AHNAK2: variants seen among roughly 807,000 people sequenced by gnomAD.
AHNAK2 encodes the protein protein AHNAK2.
AHNAK2 carries 18 observed loss-of-function variants against 30.7 expected under a neutral mutation model. The ratio of observed to expected loss-of-function variants is 0.59; its 90% CI spans 0.41 to 0.87. The LOEUF is 0.87. Ranked by LOEUF, AHNAK2 falls within the 40% of genes least tolerant of loss-of-function variation. The probability of loss-of-function intolerance (pLI) is 0.00; values close to 1 mark genes in which losing one functional copy is unlikely to be tolerated. For missense variants in AHNAK2, 8,604 were observed against 7,373.0 expected, an observed-to-expected ratio of 1.17 and a Z score of -6.11; for synonymous variants, 3,590 against 3,073.8, an observed-to-expected ratio of 1.17 and a Z score of -5.56.
In AHNAK2 at chr14:104,942,785, G is replaced by C; in HGVS notation, c.12666C>G (p.Pro4222=). 1.2e-6 allele frequency: 2 copies of C among 1,612,838 alleles called. No homozygotes were observed. The highest frequency in any genetic ancestry group is 2.2e-5 in the South Asian group (2 of 91,032). The part of the protein sequence containing the change: ...LKGHLPKVQM[P]CLKMPKVALK... Reference sequence around the variant, plus strand: ...GGGCCACTTTGGGCATCTTCAAACAGGGCATCTGCACCTTGGGGAGGTGCC... The same window carrying C: ...GGGCCACTTTGGGCATCTTCAAACACGGCATCTGCACCTTGGGGAGGTGCC... The change falls in exon 7 of 7, where the codon CCC becomes CCG. Residue 4222 remains proline, a synonymous_variant. Coordinates refer to ENST00000333244, the MANE Select transcript of AHNAK2 (RefSeq NM_138420.4).
In AHNAK2 at chr14:104,950,465, C is replaced by G; in HGVS notation, c.4986G>C (p.Lys1662Asn). 2 of 1,586,248 alleles carry G rather than the reference C, an allele frequency of 1.3e-6. No homozygotes were observed. The highest frequency in any genetic ancestry group is 1.7e-5 in the Admixed American group (1 of 57,460). ...ACACCCCAAATGATGGCATCTTGAA[C>G]TTGGGCATTTTGAACTTGCTGTCTT... Reference protein sequence around the residue: ...TAKDSKFKMPKFKMPSFGVSA... With the variant: ...TAKDSKFKMPNFKMPSFGVSA... Residue 1662 changes from lysine (K) to asparagine (N), a missense_variant, in exon 7 of 7, where the codon AAG (lysine) becomes AAC (asparagine). By Grantham distance (94) the Lys-to-Asn change is moderately conservative (BLOSUM62 0). Coordinates refer to ENST00000333244, the MANE Select transcript of AHNAK2 (RefSeq NM_138420.4).
Position 104,941,827 on chromosome 14 carries a change from G to A in AHNAK2, c.13624C>T (p.Leu4542Phe), listed in dbSNP as rs1898000342. 3.1e-6 allele frequency: 5 copies of A among 1,613,372 alleles called. No homozygotes were observed. The highest frequency in any genetic ancestry group is 4.2e-6 in the Non-Finnish European group (5 of 1,179,680). ...PEGHMPEVAG[L>F]KGHLPKVEMP... ...TCCACCTTGGGCAGGTGCCCTTTGAGGCCGGCTACCTCGGGCATGTGGCCT... is the reference window on the plus strand; with the variant it reads ...TCCACCTTGGGCAGGTGCCCTTTGAAGCCGGCTACCTCGGGCATGTGGCCT... The change falls in exon 7 of 7, where the codon CTC (leucine) becomes TTC (phenylalanine). Residue 4542 changes from leucine (L) to phenylalanine (F), a missense_variant. Transcript: ENST00000333244.
intron 1 of AHNAK2, among the ~76,000 whole-genome samples, chr14:104,965,304 G>A (rs1192017856): frequency 6.6e-6 from 1 of 150,786 alleles, no homozygotes; most frequent in Non-Finnish European, 1.5e-5. Context: ...GGAAGACTGA[G>A]GCAGGAGAAT....
At chr14:104,973,555 C>T (rs1483180405) in intron 1 of AHNAK2, among the ~76,000 whole-genome samples, 1 of 152,168 alleles carries the variant, frequency 6.6e-6, no homozygotes, top group African/African-American at 2.4e-5. Context: ...CTGACAGCCC[C>T]TCCAGCCGGC....
Position 104,946,710 on chromosome 14 carries a change from G to A in AHNAK2, c.8741C>T (p.Pro2914Leu), listed in dbSNP as rs777289451. ...FKMPKVDLKG[P>L]QIDVKGPKLD... ...CTTGGGGCCCTTGACGTCTATCTGG[G>A]GGCCCTTGAGATCCACTTTGGGCAT... is the stretch of plus-strand genomic sequence containing the variant. The change falls in exon 7 of 7, where the codon CCC becomes CTC. Residue 2914 changes from proline to leucine, a missense_variant. Pro to Leu is a moderately conservative substitution (Grantham distance 98). Coordinates refer to ENST00000333244, the MANE Select transcript of AHNAK2 (RefSeq NM_138420.4). 58 of 1,612,526 alleles carry A rather than the reference G, an allele frequency of 3.6e-5. No individual in the cohort carries two copies. The highest frequency in any genetic ancestry group is 2.3e-4 in the Admixed American group (14 of 59,904).
chr14:104,937,788 A>G lies in AHNAK2; in HGVS notation c.*275T>C, dbSNP rs552338664. 4.1e-4 allele frequency: 169 copies of G among 408,222 alleles called. No individual in the cohort carries two copies. The highest frequency in any genetic ancestry group is 3.2e-3 in the African/African-American group (157 of 49,556). The allele number at this position is 408,222 out of a possible 1,614,324, so 25.3% of individuals were successfully genotyped here. On this transcript the variant is annotated 3_prime_UTR_variant, in exon 7 of 7. Coordinates refer to ENST00000333244, the MANE Select transcript of AHNAK2 (RefSeq NM_138420.4). ...ATAAAGACCAACAAACTTCCCCAGC[A>G]GTGCCTCTGAGTACCGTGTGAATTC...
chr14:104,971,597 C>A (rs933556121), intron 1 of AHNAK2, among the ~76,000 whole-genome samples: 1 of 152,066 alleles, frequency 6.6e-6, no homozygotes, highest in African/African-American at 2.4e-5. Context: ...CATTTCAATA[C>A]AAGTGGTGGC....
chr14:104,957,456 G>A lies in AHNAK2; in HGVS notation c.167C>T (p.Ser56Leu), dbSNP rs1480768660. The A allele has an allele frequency of 6.2e-7, 1 of 1,601,524 alleles. No homozygotes were observed. Among genetic ancestry groups the A allele is most frequent in the Non-Finnish European group, 8.5e-7 (1 of 1,171,522 alleles). Reference protein sequence around the residue: ...EGIRPRPQGSSPVYEYTTEAA... With the variant: ...EGIRPRPQGSLPVYEYTTEAA... ...CTCAGTCGTGTATTCGTAGACAGGT[G>A]AAGACCCCTGCGGCCGTGGTCGAAT... Residue 56 changes from serine (S) to leucine (L), a missense_variant, in exon 3 of 7, where the codon TCA (serine) becomes TTA (leucine). By Grantham distance (145) the Ser-to-Leu change is moderately radical (BLOSUM62 -2). Transcript: ENST00000333244.
intron 1 of AHNAK2, among the ~76,000 whole-genome samples, chr14:104,964,574 G>T (rs1899246988): frequency 6.6e-6 from 1 of 152,100 alleles, no homozygotes; most frequent in Admixed American, 6.5e-5. Flanking sequence ...TCCATCAACA[G>T]TAGAATAAAA....
At position 104,950,466 on chromosome 14, in the gene AHNAK2, T is replaced by A. The variant is rs750628892; in HGVS notation, c.4985A>T (p.Lys1662Met). 6 of 1,586,052 alleles carry A rather than the reference T, an allele frequency of 3.8e-6. No homozygotes were observed. Among genetic ancestry groups the A allele is most frequent in the Admixed American group, 1.7e-5 (1 of 57,418 alleles). Residue 1662 changes from lysine to methionine, a missense_variant, in exon 7 of 7, where the codon AAG (lysine) becomes ATG (methionine). Physicochemically the swap from Lys to Met is moderately conservative, Grantham distance 95. Coordinates refer to ENST00000333244, the MANE Select transcript of AHNAK2 (RefSeq NM_138420.4). Reference sequence around the variant, plus strand: ...CACCCCAAATGATGGCATCTTGAACTTGGGCATTTTGAACTTGCTGTCTTT... The same window carrying A: ...CACCCCAAATGATGGCATCTTGAACATGGGCATTTTGAACTTGCTGTCTTT... ...TAKDSKFKMP[K>M]FKMPSFGVSA...
Position 104,960,466 on chromosome 14 carries a change from G to C in AHNAK2, c.56-2794C>G, listed in dbSNP as rs190395753. 1.4e-3 allele frequency among the ~76,000 whole-genome samples: 212 copies of C among 152,276 alleles called. 1 individual carries two copies. Among genetic ancestry groups the C allele is most frequent in the African/African-American group, 4.9e-3 (202 of 41,568 alleles). Reference sequence around the variant, plus strand: ...GTATAGGGGAGGGAAGATGTATGTAGGTTATTTGCAAATACTACATTGCTT... The same window carrying C: ...GTATAGGGGAGGGAAGATGTATGTACGTTATTTGCAAATACTACATTGCTT... On this transcript the variant is annotated intron_variant, in intron 1 of 6. Transcript: ENST00000333244.
At position 104,944,966 on chromosome 14, in the gene AHNAK2, C is replaced by T. The variant is rs748099879; in HGVS notation, c.10485G>A (p.Ser3495=). 139 of 1,612,976 alleles carry T rather than the reference C, an allele frequency of 8.6e-5. No homozygotes were observed. The highest frequency in any genetic ancestry group is 8.4e-4 in the African/African-American group (63 of 74,692). ...VSAPGRSIEA[S]LDVSAPKVEA... ...CCACCTTCGGCGCAGACACATCCAG[C>T]GAGGCCTCGATGGACCTGCCTGGGG... is the stretch of plus-strand genomic sequence containing the variant. Residue 3495 remains serine (S), a synonymous_variant, in exon 7 of 7, where the codon TCG becomes TCA. Coordinates refer to ENST00000333244, the MANE Select transcript of AHNAK2 (RefSeq NM_138420.4).
At chr14:104,957,872 A>G (rs983545653) in intron 1 of AHNAK2, among the ~76,000 whole-genome samples, 200 bp from the exon 2 acceptor site, 6 of 152,216 alleles carry the variant, frequency 3.9e-5, no homozygotes, top group Non-Finnish European at 8.8e-5. Flanking sequence ...GTCAGGTAGC[A>G]GTGAATTGAG....
intron 1 of AHNAK2, among the ~76,000 whole-genome samples, chr14:104,960,909 A>T (rs148484492): frequency 6.6e-6 from 1 of 152,076 alleles, no homozygotes; most frequent in African/African-American, 2.4e-5. Context: ...AGGAGGGCAG[A>T]TCACTTGAGG....
Position 104,951,059 on chromosome 14 carries a change from C to G in AHNAK2, c.4392G>C (p.Glu1464Asp), listed in dbSNP as rs144323040. The G allele has an allele frequency of 0.07, 74,390 of 1,063,230 alleles. 27,978 individuals carry two copies. Among genetic ancestry groups the G allele is most frequent in the Middle Eastern group, 0.13 (483 of 3,700 alleles). The allele number at this position is 1,063,230 out of a possible 1,614,324, so 65.9% of individuals were successfully genotyped here. The change falls in exon 7 of 7, where the codon GAG becomes GAC. Residue 1464 changes from glutamate (E) to aspartate (D), a missense_variant. Transcript: ENST00000333244. ...CACCATCCAGCTTGGCTCCTGGGGC[C>G]TCGACATCCACCTCCACGCTGGGCA... ...VSLPSVEVDV[E>D]APGAKLDGGR... is the part of the protein sequence containing the mutation.
chr14:104,952,182 T>C lies in AHNAK2; in HGVS notation c.3269A>G (p.Lys1090Arg). 1 of 1,612,330 alleles carries C rather than the reference T, an allele frequency of 6.2e-7. No homozygotes were observed. Among genetic ancestry groups the C allele is most frequent in the Non-Finnish European group, 8.5e-7 (1 of 1,179,556 alleles). Residue 1090 changes from lysine (K) to arginine (R), a missense_variant, in exon 7 of 7, where the codon AAG (lysine) becomes AGG (arginine). Coordinates refer to ENST00000333244, the MANE Select transcript of AHNAK2 (RefSeq NM_138420.4). The part of the protein sequence containing the change: ...HLPKVEMPSF[K>R]MPKVALKGPQ... ...GCCCTTGAGGGCCACTTTGGGCATC[T>C]TGAAACTGGGCATCTCCACCTTGGG...
Position 104,942,391 on chromosome 14 carries a change from C to T in AHNAK2, c.13060G>A (p.Asp4354Asn). 6.2e-7 allele frequency: 1 copy of T among 1,613,162 alleles called. No homozygotes were observed. Among genetic ancestry groups the T allele is most frequent in the Non-Finnish European group, 8.5e-7 (1 of 1,179,652 alleles). ...TCTTGGCCAGCCTGGACCTCCAGAT[C>T]AGCGGAAGGGGGCTGAATGCTGAGG... Reference protein sequence around the residue: ...THLSIQPPSADLEVQAGQEDV... With the variant: ...THLSIQPPSANLEVQAGQEDV... The change falls in exon 7 of 7, where the codon GAT becomes AAT. Residue 4354 changes from aspartate to asparagine, a missense_variant. Transcript: ENST00000333244.
At position 104,945,444 on chromosome 14, in the gene AHNAK2, G is replaced by C. The variant is rs10438247; in HGVS notation, c.10007C>G (p.Pro3336Arg). The C allele has an allele frequency of 1.2e-6, 2 of 1,611,738 alleles. No homozygotes were observed. Among genetic ancestry groups the C allele is most frequent in the South Asian group, 1.1e-5 (1 of 90,990 alleles). ...GAGGCTCACGTCGGCCTCCGCCTTC[G>C]GCGCAGACACATCCACCGAGGCCTG... Reference protein sequence around the residue: ...SIQASVDVSAPKAEADVSLPS... With the variant: ...SIQASVDVSARKAEADVSLPS... Residue 3336 changes from proline to arginine, a missense_variant, in exon 7 of 7, where the codon CCG becomes CGG. Transcript: ENST00000333244.
In AHNAK2 at chr14:104,938,636, A is replaced by G. The variant is rs1232607103; in HGVS notation, c.16815T>C (p.Asp5605=). The G allele has an allele frequency of 6.2e-6, 10 of 1,612,468 alleles. No homozygotes were observed. The highest frequency in any genetic ancestry group is 8.5e-6 in the Non-Finnish European group (10 of 1,179,266). The part of the protein sequence containing the change: ...SGHQLADSCS[D]EEPAEILEFP... ...ACTCAAGAATTTCTGCTGGCTCCTC[A>G]TCTGAACAGCTGTCTGCAAGCTGGT... Residue 5605 remains aspartate, a synonymous_variant, in exon 7 of 7, where the codon GAT becomes GAC. Transcript: ENST00000333244.
Sources: allele counts gnomAD v4.1 joint callset (sites outside exome capture counted in the v4.1 genomes callset), GRCh38; gene constraint gnomAD v4.1.1; transcripts MANE v1.5; gene names NCBI Gene and HGNC (gene_info 2026-07-23, HGNC 2026-07-21).